Variants in DPYD observed in about 807,000 individuals in gnomAD.
DPYD encodes the protein dihydropyrimidine dehydrogenase [NADP(+)].
In DPYD, 109 loss-of-function variants were observed where a neutral mutation model predicts 116.2. That is an observed-to-expected ratio of 0.94 (90% CI 0.80 to 1.10). DPYD has a LOEUF of 1.10. Ranked by LOEUF, DPYD falls within the 50% of genes least tolerant of loss-of-function variation. DPYD has a pLI of 0.00. For missense variants in DPYD, 1,302 were observed against 1,254.5 expected (o/e 1.04, Z -0.57); for synonymous variants, 440 against 432.0 (o/e 1.02, Z -0.23).
At chr1:97,841,172 T>G (rs570920338) in intron 2 of DPYD, among the ~76,000 whole-genome samples, 1 of 152,046 alleles carries the variant, frequency 6.6e-6, no homozygotes, top group Admixed American at 6.5e-5. Flanking sequence ...AAAATGAAAT[T>G]TGAAAATTGA....
intron 14 of DPYD, among the ~76,000 whole-genome samples, chr1:97,427,867 T>C (rs1003104064): frequency 6.6e-6 from 1 of 152,046 alleles, no homozygotes; most frequent in African/African-American, 2.4e-5. Context: ...TCATTACATA[T>C]GACTAAAATG....
chr1:97,391,660 C>A (rs1423450355), intron 14 of DPYD, among the ~76,000 whole-genome samples: 3 of 151,986 alleles, frequency 2.0e-5, no homozygotes, highest in Non-Finnish European at 4.4e-5. Context: ...CTCACCATTT[C>A]TTCCCTGGAT....
chr1:97,608,395 G>T (rs368405383), intron 8 of DPYD, among the ~76,000 whole-genome samples: 1 of 151,888 alleles, frequency 6.6e-6, no homozygotes, highest in African/African-American at 2.4e-5. Flanking sequence ...CTACTAGTGG[G>T]TTTGGAAATC....
intron 20 of DPYD, among the ~76,000 whole-genome samples, chr1:97,173,233 C>T (rs74832443): frequency 0.056 from 6,340 of 112,614 alleles, 476 homozygotes; most frequent in African/African-American, 0.18. Flanking sequence ...TACATATATG[C>T]GCACACATAT....
chr1:97,543,064 T>C (rs1400298921), intron 12 of DPYD, among the ~76,000 whole-genome samples: 1 of 152,200 alleles, frequency 6.6e-6, no homozygotes, highest in Non-Finnish European at 1.5e-5. Context: ...GAGCTTTCCA[T>C]ACTTTCTTTC....
intron 19 of DPYD, among the ~76,000 whole-genome samples, chr1:97,194,623 G>T (rs564597210): frequency 9.9e-5 from 15 of 151,968 alleles, no homozygotes; most frequent in Non-Finnish European, 1.8e-4. Context: ...TCCTGCCTCT[G>T]CCTCTCGAGT....
At chr1:97,398,515 T>C (rs1353053348) in intron 14 of DPYD, among the ~76,000 whole-genome samples, 1 of 151,164 alleles carries the variant, frequency 6.6e-6, no homozygotes, top group African/African-American at 2.5e-5. Context: ...CCCTGAGGAA[T>C]CACCACACTG....
chr1:97,847,146 A>G (rs1048028164), intron 2 of DPYD, among the ~76,000 whole-genome samples: 3 of 152,176 alleles, frequency 2.0e-5, no homozygotes. Flanking sequence ...CTGGACATGG[A>G]GTTTTATATT....
intron 12 of DPYD, 131 bp from the exon 13 acceptor site, chr1:97,516,072 A>T: frequency 1.0e-6 from 1 of 965,542 alleles, no homozygotes; most frequent in Non-Finnish European, 1.6e-6. Flanking sequence ...CAATGAAAAA[A>T]ACTGGCAAAA....
intron 2 of DPYD, among the ~76,000 whole-genome samples, chr1:97,846,073 C>T (rs1342956181): frequency 6.6e-6 from 1 of 152,132 alleles, no homozygotes; most frequent in African/African-American, 2.4e-5. Flanking sequence ...ACTGGTGGTG[C>T]GAGCCGAGAA....
chr1:97,710,932 A>G (rs541251600), intron 5 of DPYD, among the ~76,000 whole-genome samples: 13 of 151,782 alleles, frequency 8.6e-5, no homozygotes, highest in African/African-American at 2.9e-4. Context: ...TAAAAAAAAC[A>G]TATATATATT....
chr1:97,835,973 A>C (rs887477724), intron 2 of DPYD, among the ~76,000 whole-genome samples: 1 of 152,128 alleles, frequency 6.6e-6, no homozygotes, highest in Admixed American at 6.5e-5. Context: ...AATTACCACC[A>C]CAGGGAAACC....
chr1:97,496,029 TA>T (rs1415980704), intron 13 of DPYD, among the ~76,000 whole-genome samples: 1 of 152,112 alleles, frequency 6.6e-6, no homozygotes, highest in Non-Finnish European at 1.5e-5. Flanking sequence ...CCTGCTTCAG[TA>T]ACTGCACAGA....
chr1:97,810,843 T>C (rs144322085), intron 3 of DPYD, among the ~76,000 whole-genome samples: 6 of 152,100 alleles, frequency 3.9e-5, no homozygotes, highest in South Asian at 4.1e-4. Flanking sequence ...GTATAGAGAG[T>C]ATTTAGTAAT....
At chr1:97,287,438 G>T (rs1176169050) in intron 18 of DPYD, among the ~76,000 whole-genome samples, 1 of 152,284 alleles carries the variant, frequency 6.6e-6, no homozygotes, top group Non-Finnish European at 1.5e-5. Context: ...CGTGCTGGGA[G>T]AACCACTGCT....
At chr1:97,641,183 A>T (rs76245909) in intron 8 of DPYD, among the ~76,000 whole-genome samples, 107 of 152,302 alleles carry the variant, frequency 7.0e-4, no homozygotes, top group Non-Finnish European at 1.3e-3. Context: ...ATGGGGGATG[A>T]ACGCCTAATC....
intron 18 of DPYD, among the ~76,000 whole-genome samples, chr1:97,271,472 C>T (rs75268624): frequency 0.076 from 11,575 of 152,026 alleles, 1,003 homozygotes; most frequent in African/African-American, 0.21. Context: ...TATGGCAATA[C>T]TTATCAAAGC....
At chr1:97,287,405 G>T (rs576988711) in intron 18 of DPYD, among the ~76,000 whole-genome samples, 1 of 152,296 alleles carries the variant, frequency 6.6e-6, no homozygotes, top group Non-Finnish European at 1.5e-5. Flanking sequence ...GAGGCAGTCT[G>T]CCCCTTCTCA....
intron 14 of DPYD, among the ~76,000 whole-genome samples, chr1:97,402,120 C>A (rs1046134783): frequency 6.6e-6 from 1 of 152,056 alleles, no homozygotes; most frequent in Non-Finnish European, 1.5e-5. Flanking sequence ...TTCTAGCATG[C>A]CTTTAAACTT....
Sources: allele counts gnomAD v4.1 joint callset (sites outside exome capture counted in the v4.1 genomes callset), GRCh38; gene constraint gnomAD v4.1.1; transcripts MANE v1.5; gene names NCBI Gene and HGNC (gene_info 2026-07-23, HGNC 2026-07-21).